Variants in MTHFD1 observed in about 807,000 individuals in gnomAD.
MTHFD1 encodes the protein C-1-tetrahydrofolate synthase, cytoplasmic.
A neutral mutation model predicts 110.3 loss-of-function variants in MTHFD1; 44 were observed. The ratio of observed to expected loss-of-function variants is 0.40; its 90% CI spans 0.31 to 0.51. The LOEUF is 0.51. Ranked by LOEUF, MTHFD1 falls within the 20% of genes least tolerant of loss-of-function variation. The pLI is 0.60. For missense variants in MTHFD1, 909 were observed against 1,173.1 expected, an observed-to-expected ratio of 0.77 and a Z score of 3.29; for synonymous variants, 402 against 428.8, an observed-to-expected ratio of 0.94 and a Z score of 0.77.
intron 4 of MTHFD1, 102 bp downstream of exon 4, chr14:64,412,627 T>G: frequency 1.5e-6 from 1 of 681,104 alleles, no homozygotes; most frequent in Non-Finnish European, 2.5e-6. Flanking sequence ...AGCCAAGACC[T>G]CCAGGTATTT....
At chr14:64,446,217 G>A (rs1037943045) in intron 22 of MTHFD1, among the ~76,000 whole-genome samples, 1 of 151,952 alleles carries the variant, frequency 6.6e-6, no homozygotes, top group Non-Finnish European at 1.5e-5. Context: ...CATATTTCTC[G>A]ACATTTAAAA....
At chr14:64,403,638 C>T (rs2077915842) in intron 2 of MTHFD1, among the ~76,000 whole-genome samples, 1 of 151,512 alleles carries the variant, frequency 6.6e-6, no homozygotes, top group Non-Finnish European at 1.5e-5. Flanking sequence ...ACTCTGGGAC[C>T]CAAAGTGATC....
At chr14:64,408,893 G>A (rs2077959950) in intron 2 of MTHFD1, among the ~76,000 whole-genome samples, 1 of 152,158 alleles carries the variant, frequency 6.6e-6, no homozygotes, top group Non-Finnish European at 1.5e-5. Flanking sequence ...AGGCTGCAGT[G>A]AGCCATGATC....
At chr14:64,451,990 ATT>A (rs2078379983) in intron 24 of MTHFD1, among the ~76,000 whole-genome samples, 1 of 152,180 alleles carries the variant, frequency 6.6e-6, no homozygotes, top group East Asian at 1.9e-4. Context: ...TAGATAGATT[ATT>A]GCTCCTTTTA....
chr14:64,456,486 G>C (rs2078476066), intron 26 of MTHFD1, among the ~76,000 whole-genome samples: 1 of 152,166 alleles, frequency 6.6e-6, no homozygotes, highest in Non-Finnish European at 1.5e-5. Context: ...AGTGACCAGT[G>C]TTTAGGAGGG....
intron 22 of MTHFD1, 112 bp downstream of exon 22, chr14:64,444,846 C>A (rs1458911899): frequency 2.5e-6 from 3 of 1,199,418 alleles, no homozygotes; most frequent in African/African-American, 3.0e-5. Context: ...ACCCAGGGTG[C>A]AGGGTGCCAA....
At chr14:64,437,580 AG>A (rs1319794774) in intron 16 of MTHFD1, among the ~76,000 whole-genome samples, 1 of 152,186 alleles carries the variant, frequency 6.6e-6, no homozygotes, top group Non-Finnish European at 1.5e-5. Context: ...CAGATCCTAC[AG>A]GTAAAGGGCT....
At chr14:64,442,763 A>G (rs1319835273) in intron 21 of MTHFD1, among the ~76,000 whole-genome samples, 1 of 152,176 alleles carries the variant, frequency 6.6e-6, no homozygotes, top group African/African-American at 2.4e-5. Context: ...CAACCAGCCA[A>G]CCAAACCAGT....
intron 1 of MTHFD1, among the ~76,000 whole-genome samples, chr14:64,394,004 G>T (rs568707220): frequency 6.6e-6 from 1 of 152,176 alleles, no homozygotes; most frequent in East Asian, 1.9e-4. Context: ...TTAAAAGAAT[G>T]TAAGACTCTC....
At chr14:64,397,440 G>T (rs1015787709) in intron 1 of MTHFD1, among the ~76,000 whole-genome samples, 1 of 151,454 alleles carries the variant, frequency 6.6e-6, no homozygotes, top group East Asian at 2.0e-4. Context: ...CTACAGGCGC[G>T]TGCCACCACG....
intron 23 of MTHFD1, 96 bp downstream of exon 23, chr14:64,448,413 CT>C (rs2078313751): frequency 2.0e-6 from 2 of 981,438 alleles, no homozygotes; most frequent in Non-Finnish European, 3.2e-6. Flanking sequence ...TTTTCAGTTA[CT>C]GCTATTGGTT....
At chr14:64,448,634 G>A (rs1378875664) in intron 23 of MTHFD1, 1 of 358,524 alleles carries the variant, frequency 2.8e-6, no homozygotes, top group African/African-American at 2.1e-5. Flanking sequence ...TAGGCCTATA[G>A]TGTTCCATTA....
At position 64,449,688 on chromosome 14, in the gene MTHFD1, G is replaced by T. The variant is rs571901659; in HGVS notation, c.2457+66G>T. ...AAGGGCACAGTGAAGTTTCTGTGTG[G>T]CTACTTCTATTAGAGCCCCATGCTT... On this transcript the variant is annotated intron_variant, in intron 24 of 27. Coordinates refer to ENST00000652337, the MANE Select transcript of MTHFD1 (RefSeq NM_005956.4). The T allele has an allele frequency of 1.9e-3, 2,940 of 1,561,876 alleles. 4 individuals carry two copies. The highest frequency in any genetic ancestry group is 2.3e-3 in the Non-Finnish European group (2,681 of 1,148,910).
chr14:64,425,934 G>T, intron 10 of MTHFD1, 85 bp from the exon 11 acceptor site: 1 of 1,582,042 alleles, frequency 6.3e-7, no homozygotes, highest in East Asian at 2.2e-5. Flanking sequence ...TCAGTGGTTG[G>T]GGTTGGGTTG....
chr14:64,430,347 G>A, intron 13 of MTHFD1, 117 bp downstream of exon 13: 2 of 953,570 alleles, frequency 2.1e-6, no homozygotes, highest in Admixed American at 1.8e-5. Context: ...GCCCAGAGCT[G>A]GAGTGCAATG....
rs34166790 is a variant in MTHFD1, at chr14:64,408,285, C to CCTTTTTTTTTTTTTTTTTTTTTTT, written c.127-2805_127-2804insCTTTTTTTTTTTTTTTTTTTTTTT. ...CCACCTTCAAGGAGAAATCAGCATT[C>CCTTTTTTTTTTTTTTTTTTTTTTT]TTTTTTTTTTTTTTTTTTTTGAGAT... is the stretch of plus-strand genomic sequence containing the variant. On this transcript the variant is annotated intron_variant, in intron 2 of 27. Coordinates refer to ENST00000652337, the MANE Select transcript of MTHFD1 (RefSeq NM_005956.4). 6.6e-5 allele frequency among the ~76,000 whole-genome samples: 8 copies of CCTTTTTTTTTTTTTTTTTTTTTTT among 121,208 alleles called. 2 individuals carry two copies. Among genetic ancestry groups the CCTTTTTTTTTTTTTTTTTTTTTTT allele is most frequent in the Admixed American group, 1.9e-4 (2 of 10,776 alleles). The allele number at this position is 121,208 out of a possible 152,430, so 79.5% of individuals were successfully genotyped here.
At chr14:64,411,051 T>C in intron 2 of MTHFD1, 39 bp from the exon 3 acceptor site, 3 of 1,431,914 alleles carry the variant, frequency 2.1e-6, no homozygotes, top group Non-Finnish European at 3.0e-6. Flanking sequence ...CACTTTGCCT[T>C]TCCCTAATCA....
At chr14:64,391,554 T>C (rs553966335) in intron 1 of MTHFD1, among the ~76,000 whole-genome samples, 2 of 152,342 alleles carry the variant, frequency 1.3e-5, no homozygotes, top group South Asian at 4.1e-4. Context: ...CCTCTTCTAT[T>C]ATTATTCTCC....
rs1159037361 is a variant in MTHFD1, at chr14:64,427,419, A to G, written c.1210A>G (p.Asn404Asp). 6.2e-7 allele frequency: 1 copy of G among 1,614,076 alleles called. No homozygotes were observed. Among genetic ancestry groups the G allele is most frequent in the Non-Finnish European group, 8.5e-7 (1 of 1,180,024 alleles). ...AGCCCTTGGTGCCCATCTCTACCAG[A>G]ATGTCTTTGCGTGTGTGCGACAGCC... ...VQALGAHLYQNVFACVRQPSQ... is the reference protein window; with the variant it reads ...VQALGAHLYQDVFACVRQPSQ... Residue 404 changes from asparagine (N) to aspartate (D), a missense_variant, in exon 12 of 28, where the codon AAT becomes GAT. Physicochemically the swap from Asn to Asp is conservative, Grantham distance 23. Around this residue, in one of 3 missense-constraint regions of MTHFD1, gnomAD observed 424 missense variants for 510.4 expected, o/e 0.83. Transcript: ENST00000652337.
Sources: gnomAD v4.1 joint callset for allele counts (sites outside exome capture counted in the v4.1 genomes callset) on GRCh38, gnomAD v4.1.1 for gene constraint, gnomAD v4.1.1 regional missense constraint, MANE v1.5 for transcripts, NCBI Gene and HGNC (gene_info 2026-07-23, HGNC 2026-07-21) for gene names.